The following KCND2 variants were observed in gnomAD, a reference collection of about 807,000 sequenced individuals.
The protein encoded by KCND2 is potassium voltage-gated channel subfamily D member 2.
KCND2 carries 16 observed loss-of-function variants against 54.4 expected under a neutral mutation model. That is an observed-to-expected ratio of 0.29 (90% CI 0.20 to 0.45). KCND2 has a LOEUF of 0.45. Ranked by LOEUF, KCND2 falls within the 20% of genes least tolerant of loss-of-function variation. The pLI, the probability that KCND2 is intolerant of heterozygous loss-of-function variation, is 1.00. For synonymous variants in KCND2, 317 were observed against 310.7 expected (o/e 1.02, Z -0.21); for missense variants, 486 against 824.2 (o/e 0.59, Z 5.02).
At chr7:120,592,822 C>A (rs1792688015) in intron 1 of KCND2, among the ~76,000 whole-genome samples, 2 of 152,152 alleles carry the variant, frequency 1.3e-5, no homozygotes, top group Admixed American at 1.3e-4. Flanking sequence ...TTAAGATATA[C>A]ACTTAGAGTG....
chr7:120,595,600 T>C (rs1172833184), intron 1 of KCND2, among the ~76,000 whole-genome samples: 1 of 145,262 alleles, frequency 6.9e-6, no homozygotes, highest in Non-Finnish European at 1.5e-5. Context: ...TGTATATATA[T>C]ATATATATAT....
chr7:120,351,723 T>C (rs1269679396), intron 1 of KCND2, among the ~76,000 whole-genome samples: 1 of 152,156 alleles, frequency 6.6e-6, no homozygotes, highest in Non-Finnish European at 1.5e-5. Context: ...TCCTCCAGTC[T>C]GTCATGGACC....
chr7:120,527,054 G>T (rs974033324), intron 1 of KCND2, among the ~76,000 whole-genome samples: 1 of 152,032 alleles, frequency 6.6e-6, no homozygotes, highest in Non-Finnish European at 1.5e-5. Context: ...GAGTAATTAT[G>T]ATGGCACTTT....
intron 1 of KCND2, among the ~76,000 whole-genome samples, chr7:120,585,791 A>G (rs1792590336): frequency 6.6e-6 from 1 of 152,150 alleles, no homozygotes; most frequent in Non-Finnish European, 1.5e-5. Context: ...ACCAAAAGTA[A>G]TATTTGAACG....
intron 1 of KCND2, among the ~76,000 whole-genome samples, chr7:120,695,742 C>G (rs1368910535): frequency 6.6e-6 from 1 of 152,192 alleles, no homozygotes; most frequent in Non-Finnish European, 1.5e-5. Context: ...TCCGTTCCCT[C>G]TGCACTTAAA....
intron 1 of KCND2, among the ~76,000 whole-genome samples, chr7:120,348,607 C>G (rs1194162150): frequency 6.6e-6 from 1 of 152,116 alleles, no homozygotes; most frequent in Non-Finnish European, 1.5e-5. Flanking sequence ...TCAAATTACT[C>G]TATGCTCTAT....
chr7:120,601,977 A>G (rs887499587), intron 1 of KCND2, among the ~76,000 whole-genome samples: 4 of 152,204 alleles, frequency 2.6e-5, no homozygotes, highest in Non-Finnish European at 5.9e-5. Context: ...CTTCAAAAAT[A>G]AAACTGTCTA....
intron 1 of KCND2, among the ~76,000 whole-genome samples, chr7:120,400,295 G>A (rs1417241764): frequency 6.6e-6 from 1 of 152,088 alleles, no homozygotes; most frequent in Non-Finnish European, 1.5e-5. Flanking sequence ...AGGCTCCTTG[G>A]AGAAAATTTT....
chr7:120,317,248 T>G lies in KCND2; in HGVS notation c.1115+41501T>G, dbSNP rs141636906. On this transcript the variant is annotated intron_variant, in intron 1 of 5. Coordinates refer to ENST00000331113, the MANE Select transcript of KCND2 (RefSeq NM_012281.3). ...TGTTAGGAACACTTTGACCTGCTTTTATTATGAGTTGTAAATATTCTGAAA... is the reference window on the plus strand; with the variant it reads ...TGTTAGGAACACTTTGACCTGCTTTGATTATGAGTTGTAAATATTCTGAAA... Among the ~76,000 whole-genome samples the G allele has an allele frequency of 1.1e-3, 161 of 152,328 alleles. 2 individuals carry two copies. In the East Asian group the frequency reaches 0.025, roughly 24 times the overall value.
intron 1 of KCND2, among the ~76,000 whole-genome samples, chr7:120,387,567 T>C (rs536050253): frequency 6.6e-6 from 1 of 152,170 alleles, no homozygotes; most frequent in South Asian, 2.1e-4. Flanking sequence ...TTATGGAAGC[T>C]ATTAAGAAAG....
chr7:120,741,064 AAAGG>A (rs981209615), intron 2 of KCND2, among the ~76,000 whole-genome samples: 7 of 151,480 alleles, frequency 4.6e-5, no homozygotes, highest in African/African-American at 7.3e-5. Flanking sequence ...AAAAAAAAAG[AAAGG>A]AAGGAAGGAA....
chr7:120,390,519 A>C lies in KCND2; in HGVS notation c.1115+114772A>C, dbSNP rs116129076. ...AACCAAGTCTTAGACAGCTGAGGGG[A>C]TTGAGCCAAATCACACAATTCTTGC... is the stretch of plus-strand genomic sequence containing the variant. On this transcript the variant is annotated intron_variant, in intron 1 of 5. Coordinates refer to ENST00000331113, the MANE Select transcript of KCND2 (RefSeq NM_012281.3). Among the ~76,000 whole-genome samples, 1,264 of 152,020 alleles carry C rather than the reference A, an allele frequency of 8.3e-3. 14 individuals carry two copies. The highest frequency in any genetic ancestry group is 0.029 in the African/African-American group (1,196 of 41,516).
At chr7:120,366,580 AG>A (rs1386055088) in intron 1 of KCND2, among the ~76,000 whole-genome samples, 1 of 151,854 alleles carries the variant, frequency 6.6e-6, no homozygotes, top group African/African-American at 2.4e-5. Context: ...AAGAGAAGAA[AG>A]AAACTTTTTT....
At chr7:120,542,056 G>T (rs571553019) in intron 1 of KCND2, among the ~76,000 whole-genome samples, 1 of 152,100 alleles carries the variant, frequency 6.6e-6, no homozygotes, top group African/African-American at 2.4e-5. Flanking sequence ...CAGTAACATG[G>T]GTCAAGTATT....
chr7:120,595,136 C>T (rs893981752), intron 1 of KCND2, among the ~76,000 whole-genome samples: 1 of 151,990 alleles, frequency 6.6e-6, no homozygotes, highest in East Asian at 1.9e-4. Flanking sequence ...GCATCACATG[C>T]ATCCATCTCA....
chr7:120,358,994 T>C (rs1288160278), intron 1 of KCND2, among the ~76,000 whole-genome samples: 1 of 152,204 alleles, frequency 6.6e-6, no homozygotes, highest in African/African-American at 2.4e-5. Flanking sequence ...ATAGGTCAGA[T>C]ACTTTAAAAT....
At chr7:120,557,766 C>T (rs999800473) in intron 1 of KCND2, among the ~76,000 whole-genome samples, 1 of 152,088 alleles carries the variant, frequency 6.6e-6, no homozygotes, top group Non-Finnish European at 1.5e-5. Context: ...TCCTGAATTC[C>T]AGCTCATGGA....
intron 1 of KCND2, among the ~76,000 whole-genome samples, chr7:120,495,278 T>C (rs1206760325): frequency 6.6e-6 from 1 of 152,174 alleles, no homozygotes; most frequent in Non-Finnish European, 1.5e-5. Context: ...AGATCAAACA[T>C]TTCCTTTTTT....
intron 1 of KCND2, among the ~76,000 whole-genome samples, chr7:120,382,026 T>A (rs1335860047): frequency 4.0e-5 from 6 of 151,114 alleles, no homozygotes; most frequent in Admixed American, 4.0e-4. Flanking sequence ...CTATCCAGAA[T>A]CCAATCACAT....
Sources: gnomAD v4.1 joint callset for allele counts (sites outside exome capture counted in the v4.1 genomes callset) on GRCh38, gnomAD v4.1.1 for gene constraint, MANE v1.5 for transcripts, NCBI Gene and HGNC (gene_info 2026-07-23, HGNC 2026-07-21) for gene names.